GYS2: variants seen among roughly 807,000 people sequenced by gnomAD.
GYS2 encodes the protein glycogen [starch] synthase, liver.
In GYS2, 80 loss-of-function variants were observed where a neutral mutation model predicts 85.6. The observed-to-expected ratio is 0.93, with a 90% CI of 0.78 to 1.13. GYS2 has a LOEUF of 1.13. Ranked by LOEUF, GYS2 falls within the 50% of genes most tolerant of loss-of-function variation. GYS2 has a pLI of 0.00. For missense variants in GYS2, 881 were observed against 854.9 expected, an observed-to-expected ratio of 1.03 and a Z score of -0.38; for synonymous variants, 328 against 300.7, an observed-to-expected ratio of 1.09 and a Z score of -0.94.
intron 10 of GYS2, among the ~76,000 whole-genome samples, chr12:21,558,657 C>T (rs1266219992): frequency 6.6e-6 from 1 of 152,186 alleles, no homozygotes; most frequent in African/African-American, 2.4e-5. Context: ...AGGCTGTCCT[C>T]CAGTATCTGA....
chr12:21,553,831 T>C (rs1944142452), intron 11 of GYS2, among the ~76,000 whole-genome samples: 1 of 151,300 alleles, frequency 6.6e-6, no homozygotes, highest in Non-Finnish European at 1.5e-5. Flanking sequence ...TAGGCTTCTT[T>C]TGTATTAAGA....
intron 15 of GYS2, among the ~76,000 whole-genome samples, chr12:21,538,908 C>T (rs913086946): frequency 1.1e-4 from 17 of 152,178 alleles, no homozygotes; most frequent in African/African-American, 3.9e-4. Flanking sequence ...TCTTGCCAAG[C>T]GGTCACCCTA....
At chr12:21,591,449 GA>G (rs2136927116) in intron 1 of GYS2, among the ~76,000 whole-genome samples, 1 of 147,610 alleles carries the variant, frequency 6.8e-6, no homozygotes, top group East Asian at 1.9e-4. Flanking sequence ...TCAAATGATA[GA>G]AAGGAAAAAA....
At chr12:21,536,093 A>G (rs1264349413), downstream of GYS2, 2 of 152,330 alleles carry the variant, frequency 1.3e-5, no homozygotes, top group East Asian at 3.9e-4. Context: ...TAAAGAAGGC[A>G]TTATCAGTGA....
intron 1 of GYS2, among the ~76,000 whole-genome samples, chr12:21,582,129 C>T (rs1944516867): frequency 6.6e-6 from 1 of 152,132 alleles, no homozygotes. Flanking sequence ...ACAGAATCTA[C>T]AAGGAACTCA....
chr12:21,540,686 C>T, intron 13 of GYS2, 113 bp from the exon 14 acceptor site: 1 of 887,122 alleles, frequency 1.1e-6, no homozygotes, highest in South Asian at 1.4e-5. Context: ...ATTATCTACC[C>T]CCTGACTCAG....
At chr12:21,564,179 A>T (rs568710959) in intron 5 of GYS2, among the ~76,000 whole-genome samples, 2 of 151,216 alleles carry the variant, frequency 1.3e-5, no homozygotes, top group South Asian at 4.2e-4. Flanking sequence ...AAGCTATGTT[A>T]AAAAAAAATG....
chr12:21,558,925 C>G (rs914356710), intron 10 of GYS2, among the ~76,000 whole-genome samples, 166 bp downstream of exon 10: 7 of 151,990 alleles, frequency 4.6e-5, no homozygotes, highest in African/African-American at 1.7e-4. Flanking sequence ...CTTAAAACCA[C>G]TAATGAAAAA....
chr12:21,590,561 T>C (rs1041700316), intron 1 of GYS2, among the ~76,000 whole-genome samples: 3 of 152,092 alleles, frequency 2.0e-5, no homozygotes, highest in Admixed American at 6.5e-5. Flanking sequence ...GTCCTGCAGT[T>C]GCTACAGCCA....
At chr12:21,542,625 G>A in intron 12 of GYS2, 34 bp from the exon 13 acceptor site, 1 of 1,427,322 alleles carries the variant, frequency 7.0e-7, no homozygotes, top group Non-Finnish European at 9.9e-7. Context: ...CTTGGCTTCA[G>A]ACCAGCGCCT....
chr12:21,592,308 A>G (rs914213965), intron 1 of GYS2, among the ~76,000 whole-genome samples: 5 of 152,172 alleles, frequency 3.3e-5, no homozygotes, highest in Middle Eastern at 3.4e-3. Context: ...ATAGCCTTGC[A>G]TGTAAATGGA....
intron 1 of GYS2, among the ~76,000 whole-genome samples, chr12:21,595,412 G>A (rs1006473473): frequency 1.3e-5 from 2 of 152,190 alleles, no homozygotes; most frequent in African/African-American, 4.8e-5. Context: ...GAAACTGAAG[G>A]TCTGTTTGTG....
intron 4 of GYS2, among the ~76,000 whole-genome samples, chr12:21,570,005 A>G (rs893316723): frequency 6.6e-6 from 1 of 152,290 alleles, no homozygotes; most frequent in Non-Finnish European, 1.5e-5. Flanking sequence ...ACAGTCTTGT[A>G]TTCATCTGTT....
chr12:21,561,093 G>C (rs1331034627), intron 7 of GYS2, among the ~76,000 whole-genome samples: 1 of 152,024 alleles, frequency 6.6e-6, no homozygotes, highest in Non-Finnish European at 1.5e-5. Context: ...AGCACTTTTG[G>C]GATAGCAGAC....
At chr12:21,553,876 T>C (rs1383810793) in intron 11 of GYS2, among the ~76,000 whole-genome samples, 1 of 152,188 alleles carries the variant, frequency 6.6e-6, no homozygotes, top group African/African-American at 2.4e-5. Flanking sequence ...GAATTTGTGT[T>C]AGCTGTAGAT....
At chr12:21,568,763 T>A in intron 5 of GYS2, 102 bp downstream of exon 5, 1 of 976,106 alleles carries the variant, frequency 1.0e-6, no homozygotes. Context: ...GGTAACTGAA[T>A]GCAATTTTTC....
At chr12:21,535,170 C>G (rs750287809), downstream of GYS2, 2 of 152,184 alleles carry the variant, frequency 1.3e-5, no homozygotes, top group Non-Finnish European at 2.9e-5. Context: ...TTATTATCAT[C>G]AAATTATTAT....
At chr12:21,569,857 C>A (rs950657588) in intron 4 of GYS2, among the ~76,000 whole-genome samples, 13 of 152,144 alleles carry the variant, frequency 8.5e-5, no homozygotes, top group Non-Finnish European at 1.8e-4. Flanking sequence ...ACTACTGAGA[C>A]ACATATTTTG....
intron 7 of GYS2, among the ~76,000 whole-genome samples, chr12:21,562,229 G>A (rs57484645): frequency 0.063 from 9,657 of 152,180 alleles, 526 homozygotes; most frequent in African/African-American, 0.15. Context: ...TTCATGTGGT[G>A]TGACATCCAC....
Sources: allele counts gnomAD v4.1 joint callset (sites outside exome capture counted in the v4.1 genomes callset), GRCh38; gene constraint gnomAD v4.1.1; transcripts MANE v1.5; gene names NCBI Gene and HGNC (gene_info 2026-07-23, HGNC 2026-07-21).